Variants in SEMA3A observed in about 807,000 individuals in gnomAD.
SEMA3A encodes semaphorin 3A, also known as semaphorin-3A.
A neutral mutation model predicts 97.9 loss-of-function variants in SEMA3A; 29 were observed. The observed-to-expected ratio is 0.30, with a 90% CI of 0.22 to 0.40. The LOEUF is 0.40. Ranked by LOEUF, SEMA3A falls within the 10% of genes least tolerant of loss-of-function variation. The pLI, the probability that SEMA3A is intolerant of heterozygous loss-of-function variation, is 1.00. For synonymous variants in SEMA3A, 321 were observed against 323.7 expected (o/e 0.99, Z 0.09); for missense variants, 763 against 951.3 (o/e 0.80, Z 2.60).
chr7:84,120,228 G>A (rs1016074497), intron 3 of SEMA3A, among the ~76,000 whole-genome samples: 3 of 151,938 alleles, frequency 2.0e-5, no homozygotes, highest in Admixed American at 6.6e-5. Flanking sequence ...AACCTATTTG[G>A]CTGTATTAGT....
At chr7:84,132,565 G>A (rs1280138769) in intron 2 of SEMA3A, among the ~76,000 whole-genome samples, 2 of 148,540 alleles carry the variant, frequency 1.3e-5, no homozygotes, top group Non-Finnish European at 1.5e-5. Flanking sequence ...ATACATATAT[G>A]AATATCACAA....
chr7:84,268,128 G>C (rs1310443874), intron 3 of SEMA3A, among the ~76,000 whole-genome samples: 3 of 152,026 alleles, frequency 2.0e-5, no homozygotes, highest in African/African-American at 7.2e-5. Context: ...GCTTCTGGTG[G>C]GGGCTGCATG....
intron 1 of SEMA3A, among the ~76,000 whole-genome samples, chr7:84,402,581 G>A (rs957078367): frequency 2.6e-5 from 4 of 152,040 alleles, no homozygotes; most frequent in Non-Finnish European, 4.4e-5. Flanking sequence ...ACCAAGATAC[G>A]GAATCGACCT....
At chr7:84,148,179 T>C (rs1022374340) in intron 1 of SEMA3A, among the ~76,000 whole-genome samples, 2 of 152,132 alleles carry the variant, frequency 1.3e-5, no homozygotes, top group Non-Finnish European at 2.9e-5. Context: ...CCTCCCAAAG[T>C]GCTGGGATTA....
intron 2 of SEMA3A, among the ~76,000 whole-genome samples, chr7:84,344,207 A>G (rs976235020): frequency 1.3e-5 from 2 of 152,184 alleles, no homozygotes; most frequent in Non-Finnish European, 2.9e-5. Flanking sequence ...AATACTTTCA[A>G]TATTATGAAG....
chr7:84,149,352 T>A (rs1796558737), intron 1 of SEMA3A, among the ~76,000 whole-genome samples: 1 of 152,228 alleles, frequency 6.6e-6, no homozygotes, highest in Admixed American at 6.5e-5. Context: ...TTAGAAATGT[T>A]CTAAGATTGA....
Position 84,308,612 on chromosome 7 carries a change from C to T in SEMA3A, c.-168-1320G>A, listed in dbSNP as rs4546586. 0.013 allele frequency among the ~76,000 whole-genome samples: 1,904 copies of T among 151,978 alleles called. 63 individuals carry two copies. The East Asian group carries it at 0.14, about 12-fold the overall frequency. The stretch of plus-strand genomic sequence containing the variant: ...CTACAGCTAAAATCTTAACAGAAGT[C>T]GGGAAGGGGCCAGAGGTTGGTGGAA... On this transcript the variant is annotated intron_variant, in intron 2 of 3. Coordinates refer to the SEMA3A transcript ENST00000424555.
chr7:84,009,204 G>C (rs1027953110), intron 9 of SEMA3A, among the ~76,000 whole-genome samples: 4 of 152,168 alleles, frequency 2.6e-5, no homozygotes, highest in African/African-American at 9.7e-5. Context: ...TTATCATGCT[G>C]TCTAGGAGAT....
intron 2 of SEMA3A, among the ~76,000 whole-genome samples, chr7:84,340,982 A>C (rs557856960): frequency 6.6e-6 from 1 of 152,280 alleles, no homozygotes; most frequent in African/African-American, 2.4e-5. Flanking sequence ...ATCCTCCATA[A>C]AAATATTTGG....
intron 3 of SEMA3A, among the ~76,000 whole-genome samples, chr7:84,302,867 A>G (rs997517608): frequency 8.5e-5 from 13 of 152,212 alleles, no homozygotes; most frequent in Admixed American, 3.9e-4. Flanking sequence ...CTTTGCCCCA[A>G]TTTCTTAATG....
upstream of SEMA3A, among the ~76,000 whole-genome samples, chr7:84,196,633 T>C (rs961850909): frequency 6.6e-6 from 1 of 152,206 alleles, no homozygotes; most frequent in Admixed American, 6.5e-5. Flanking sequence ...CTTGTTATAC[T>C]AGGCACTTTC....
intron 2 of SEMA3A, among the ~76,000 whole-genome samples, chr7:84,357,535 T>C (rs184817607): frequency 1.9e-3 from 286 of 152,302 alleles, no homozygotes; most frequent in Non-Finnish European, 3.2e-3. Flanking sequence ...CAGTCTATCA[T>C]TGTTGGACAT....
intron 1 of SEMA3A, among the ~76,000 whole-genome samples, chr7:84,143,810 A>AAAAG (rs1796371901): frequency 4.1e-5 from 6 of 146,604 alleles, no homozygotes; most frequent in Admixed American, 3.4e-4. Flanking sequence ...AAAAAAAAAA[A>AAAAG]GAAAAGAAAA....
At chr7:84,217,078 C>A (rs1390673419) in intron 3 of SEMA3A, among the ~76,000 whole-genome samples, 1 of 152,162 alleles carries the variant, frequency 6.6e-6, no homozygotes, top group African/African-American at 2.4e-5. Context: ...AAATAGCCAA[C>A]TATTCAAAAT....
chr7:84,489,063 A>C (rs1456905655), intron 1 of SEMA3A: 1 of 152,206 alleles, frequency 6.6e-6, no homozygotes, highest in Non-Finnish European at 1.5e-5. Flanking sequence ...GAGACAGGAT[A>C]ATTTAAAAAG....
At position 84,225,555 on chromosome 7, in the gene SEMA3A, C is replaced by G. The variant is rs1349497397; in HGVS notation, c.-82-30887G>C. Among the ~76,000 whole-genome samples, 10 of 152,172 alleles carry G rather than the reference C, an allele frequency of 6.6e-5. No homozygotes were observed. In the East Asian group the frequency reaches 1.2e-3, roughly 18 times the overall value. ...GAATGCAGAAGAGGTGTCTGGCCCT[C>G]TTTGAAAAGTGAGGAGGCTCTGTTT... On this transcript the variant is annotated intron_variant, in intron 3 of 3. Coordinates refer to the SEMA3A transcript ENST00000424555.
intron 2 of SEMA3A, among the ~76,000 whole-genome samples, chr7:84,364,545 T>C (rs2116077552): frequency 6.6e-6 from 1 of 151,894 alleles, no homozygotes; most frequent in Middle Eastern, 3.4e-3. Context: ...TATATTGTTA[T>C]ATTGCACAAT....
chr7:84,159,460 A>G (rs1313818067), intron 1 of SEMA3A, among the ~76,000 whole-genome samples: 8 of 152,176 alleles, frequency 5.3e-5, no homozygotes, highest in Admixed American at 3.9e-4. Flanking sequence ...TTACAAATGT[A>G]TTTCTCTCCA....
At chr7:84,221,255 T>G (rs186454626) in intron 3 of SEMA3A, among the ~76,000 whole-genome samples, 166 of 152,244 alleles carry the variant, frequency 1.1e-3, no homozygotes, top group African/African-American at 3.4e-3. Context: ...GTTAGGACCT[T>G]GCTTTGGATT....
Sources: allele counts gnomAD v4.1 joint callset (sites outside exome capture counted in the v4.1 genomes callset), GRCh38; gene constraint gnomAD v4.1.1; transcripts MANE v1.5; gene names NCBI Gene and HGNC (gene_info 2026-07-23, HGNC 2026-07-21).